Variants in MCM3AP observed in about 807,000 individuals in gnomAD.
MCM3AP encodes the protein germinal-center associated nuclear protein.
MCM3AP carries 126 observed loss-of-function variants against 184.1 expected under a neutral mutation model. The ratio of observed to expected loss-of-function variants is 0.68; its 90% CI spans 0.59 to 0.79. The LOEUF (loss-of-function observed/expected upper bound fraction) is 0.79, where lower values mean the gene tolerates loss of function less well. MCM3AP is among the 30% of genes least tolerant of loss of function. The pLI is 0.00. For missense variants in MCM3AP, 2,496 were observed against 2,479.2 expected (o/e 1.01, Z -0.14); for synonymous variants, 1,002 against 979.3 (o/e 1.02, Z -0.43).
At chr21:46,274,608 T>C (rs2081231585) in intron 6 of MCM3AP, among the ~76,000 whole-genome samples, 1 of 152,096 alleles carries the variant, frequency 6.6e-6, no homozygotes. Context: ...GTGTAAAACA[T>C]AAGCATAGAA....
At chr21:46,247,556 C>G (rs1483994140) in intron 20 of MCM3AP, 1 of 149,864 alleles carries the variant, frequency 6.7e-6, no homozygotes, top group South Asian at 2.1e-4. Flanking sequence ...AGGGTTTCAC[C>G]ATGTTGGCCA....
intron 17 of MCM3AP, among the ~76,000 whole-genome samples, chr21:46,255,401 C>T (rs908479149): frequency 1.3e-5 from 2 of 151,598 alleles, no homozygotes; most frequent in African/African-American, 2.4e-5. Flanking sequence ...GGCAACGCCA[C>T]CTGGCTGAGC....
intron 10 of MCM3AP, chr21:46,266,757 G>C: frequency 1.8e-6 from 1 of 547,016 alleles, no homozygotes; most frequent in Non-Finnish European, 3.2e-6. Context: ...GAAAAGGACT[G>C]ATTTTGGAGT....
In MCM3AP at chr21:46,251,631, C is replaced by T; in HGVS notation, c.4188G>A (p.Val1396=). The T allele has an allele frequency of 6.2e-7, 1 of 1,609,250 alleles. No homozygotes were observed. The highest frequency in any genetic ancestry group is 8.5e-7 in the Non-Finnish European group (1 of 1,175,868). ...KVKFMGDEGS[V]DDTSSDAGGI... The stretch of plus-strand genomic sequence containing the variant: ...CACCAGCATCGCTGGATGTGTCATC[C>T]ACTGAGCCTTCATCTCCCATGAACT... Residue 1396 remains valine (V), a synonymous_variant, in exon 20 of 28, where the codon GTG becomes GTA. Coordinates refer to ENST00000291688, the MANE Select transcript of MCM3AP (RefSeq NM_003906.5).
intron 6 of MCM3AP, among the ~76,000 whole-genome samples, chr21:46,274,931 C>T (rs1241014045): frequency 1.5e-4 from 17 of 115,332 alleles, no homozygotes; most frequent in African/African-American, 4.9e-4. Flanking sequence ...AGAGTGAGAC[C>T]CTGTCTCAAA....
At chr21:46,244,148 C>T (rs1396103798) in intron 23 of MCM3AP, among the ~76,000 whole-genome samples, 2 of 152,240 alleles carry the variant, frequency 1.3e-5, no homozygotes, top group South Asian at 2.1e-4. Context: ...AGACCACACA[C>T]CACAATTTAG....
rs780518722 is a variant in MCM3AP at position 46,284,749 on chromosome 21, G to A, written c.538C>T (p.His180Tyr). The A allele has an allele frequency of 6.2e-7, 1 of 1,613,842 alleles. No homozygotes were observed. The highest frequency in any genetic ancestry group is 1.1e-5 in the South Asian group (1 of 91,066). The change falls in exon 1 of 28, where the codon CAC (histidine) becomes TAC (tyrosine). Residue 180 changes from histidine (H) to tyrosine (Y), a missense_variant. Around this residue, in one of 5 missense-constraint regions of MCM3AP, gnomAD observed 800 missense variants for 717.1 expected, o/e 1.12. Transcript: ENST00000291688. ...QIASGFFTFS[H>Y]PISSAPGGLA... ...CCTCCAGGTGCACTACTAATTGGGT[G>A]GGAAAATGTAAAAAACCCAGAAGCA...
intron 20 of MCM3AP, chr21:46,249,614 T>C: frequency 2.2e-6 from 1 of 453,752 alleles, no homozygotes; most frequent in South Asian, 1.6e-5. Context: ...TAAAATCATT[T>C]TCATAATGGA....
chr21:46,249,509 A>G (rs73386564), intron 20 of MCM3AP: 16,400 of 432,968 alleles, frequency 0.038, 998 homozygotes, highest in African/African-American at 0.17. Context: ...TTTTCTACCT[A>G]TAATTTTACA....
At chr21:46,260,602 T>C (rs2081029040) in intron 15 of MCM3AP, among the ~76,000 whole-genome samples, 191 bp downstream of exon 15, 1 of 152,220 alleles carries the variant, frequency 6.6e-6, no homozygotes, top group Non-Finnish European at 1.5e-5. Flanking sequence ...AAAAGAGAAT[T>C]TTTTATAATA....
At chr21:46,251,382 C>T (rs141754025) in intron 20 of MCM3AP, 147 bp downstream of exon 20, 107 of 593,276 alleles carry the variant, frequency 1.8e-4, no homozygotes, top group African/African-American at 1.7e-3. Context: ...ACGACATGTA[C>T]GGACAGACAT....
At position 46,244,948 on chromosome 21, in the gene MCM3AP, A is replaced by G. The variant is rs2080738851; in HGVS notation, c.4897T>C (p.Trp1633Arg). 1.9e-6 allele frequency: 3 copies of G among 1,614,134 alleles called. No homozygotes were observed. Among genetic ancestry groups the G allele is most frequent in the East Asian group, 2.2e-5 (1 of 44,898 alleles). ...VSSEQLCDLS[W>R]PVTEFAEAGG... ...GCCTCAGCAAACTCAGTGACAGGCCAGGACAGGTCACACAGCTGTTCAGAG... is the reference window on the plus strand; with the variant it reads ...GCCTCAGCAAACTCAGTGACAGGCCGGGACAGGTCACACAGCTGTTCAGAG... Residue 1633 changes from tryptophan to arginine, a missense_variant, in exon 23 of 28, where the codon TGG becomes CGG. Transcript: ENST00000291688.
chr21:46,265,440 A>C lies in MCM3AP; in HGVS notation c.3115T>G (p.Ser1039Ala). The C allele has an allele frequency of 6.2e-7, 1 of 1,614,038 alleles. No individual in the cohort carries two copies. Residue 1039 changes from serine (S) to alanine (A), a missense_variant, in exon 12 of 28, where the codon TCA (serine) becomes GCA (alanine). Ser to Ala is a moderately conservative substitution (Grantham distance 99). Around this residue, in one of 5 missense-constraint regions of MCM3AP, gnomAD observed 1,323 missense variants for 1,273.4 expected, o/e 1.04. Coordinates refer to ENST00000291688, the MANE Select transcript of MCM3AP (RefSeq NM_003906.5). ...AGGACAGGAGGCAGAGGCACTGGTG[A>C]GGGCGCAGGGGCTGGTAGAGACTGT... ...LPQSLPAPAP[S>A]PVPLPPVLAL...
In MCM3AP at chr21:46,259,096, A is replaced by G. The variant is rs767714352; in HGVS notation, c.3582-5T>C. 32 of 1,604,070 alleles carry G rather than the reference A, an allele frequency of 2.0e-5. No homozygotes were observed. The East Asian group carries it at 2.9e-4, about 15-fold the overall frequency. On this transcript the variant is annotated splice_region_variant and splice_polypyrimidine_tract_variant and intron_variant, in intron 15 of 27. Coordinates refer to ENST00000291688, the MANE Select transcript of MCM3AP (RefSeq NM_003906.5). The stretch of plus-strand genomic sequence containing the variant: ...TGGTCTGTCTCTACTGCATTCCTAG[A>G]AACAGGGCAATCAGCATGGAAGACA...
Position 46,242,795 on chromosome 21 carries a change from A to G in MCM3AP, c.5426+7T>C. 6.2e-7 allele frequency: 1 copy of G among 1,601,816 alleles called. No homozygotes were observed. The highest frequency in any genetic ancestry group is 8.5e-7 in the Non-Finnish European group (1 of 1,176,114). On this transcript the variant is annotated splice_region_variant and intron_variant, in intron 25 of 27. Coordinates refer to ENST00000291688, the MANE Select transcript of MCM3AP (RefSeq NM_003906.5). ...AGCAACAGAAACATACTGAACATGA[A>G]CCTCACCGTCCCTCTCTCAGCTGTA... is the stretch of plus-strand genomic sequence containing the variant.
intron 6 of MCM3AP, among the ~76,000 whole-genome samples, chr21:46,274,506 T>G (rs1310239716): frequency 6.6e-6 from 1 of 152,220 alleles, no homozygotes; most frequent in East Asian, 1.9e-4. Context: ...TTTTAAATGC[T>G]CATAGTTTAC....
rs1027880000 is a variant in MCM3AP at position 46,256,902 on chromosome 21, G to A, written c.3819C>T (p.Ser1273=). 27 of 1,608,292 alleles carry A rather than the reference G, an allele frequency of 1.7e-5. No homozygotes were observed. Among genetic ancestry groups the A allele is most frequent in the African/African-American group, 1.6e-4 (12 of 74,818 alleles). ...FPAAPCCVDV[S]DRLRALAPSA... ...TGGGCGCCAGCGCCCTCAGCCGGTC[G>A]CTCACGTCCACGCAGCAGGGCGCAG... The change falls in exon 17 of 28, where the codon AGC becomes AGT. Residue 1273 remains serine (S), a synonymous_variant. Transcript: ENST00000291688.
chr21:46,264,092 G>C, intron 13 of MCM3AP, 25 bp downstream of exon 13: 3 of 1,558,474 alleles, frequency 1.9e-6, no homozygotes, highest in Non-Finnish European at 2.7e-6. Flanking sequence ...CACGTAGCAG[G>C]AGGGGAGCAC....
rs901398052 is a variant in MCM3AP at position 46,262,784 on chromosome 21, A to G, written c.3335+1333T>C. On this transcript the variant is annotated intron_variant, in intron 13 of 27. Coordinates refer to ENST00000291688, the MANE Select transcript of MCM3AP (RefSeq NM_003906.5). Reference sequence around the variant, plus strand: ...AGATTGAGACCATCCTGGCTAACACAGTGAAACCCTGTCTCTACTAAAAAT... The same window carrying G: ...AGATTGAGACCATCCTGGCTAACACGGTGAAACCCTGTCTCTACTAAAAAT... Among the ~76,000 whole-genome samples, 462 of 146,210 alleles carry G rather than the reference A, an allele frequency of 3.2e-3. 1 individual carries two copies. The highest frequency in any genetic ancestry group is 0.01 in the African/African-American group (412 of 39,496).
Sources: gnomAD v4.1 joint callset for allele counts (sites outside exome capture counted in the v4.1 genomes callset) on GRCh38, gnomAD v4.1.1 for gene constraint, gnomAD v4.1.1 regional missense constraint, MANE v1.5 for transcripts, NCBI Gene and HGNC (gene_info 2026-07-23, HGNC 2026-07-21) for gene names.